The following AMN1 variants were observed in gnomAD, a reference collection of about 807,000 sequenced individuals.
AMN1 encodes protein AMN1 homolog.
A neutral mutation model predicts 33.0 loss-of-function variants in AMN1; 20 were observed. That is an observed-to-expected ratio of 0.61 (90% CI 0.43 to 0.88). The LOEUF is 0.88. Ranked by LOEUF, AMN1 falls within the 40% of genes least tolerant of loss-of-function variation. The pLI is 0.00. For missense variants in AMN1, 246 were observed against 307.4 expected, an observed-to-expected ratio of 0.80 and a Z score of 1.49; for synonymous variants, 114 against 111.9, an observed-to-expected ratio of 1.02 and a Z score of -0.12.
intron 1 of AMN1, among the ~76,000 whole-genome samples, chr12:31,726,081 C>T (rs1399181109): frequency 6.6e-6 from 1 of 152,200 alleles, no homozygotes; most frequent in Non-Finnish European, 1.5e-5. Flanking sequence ...GATTCATTTT[C>T]CCCGTAAGAC....
intron 6 of AMN1, among the ~76,000 whole-genome samples, chr12:31,677,885 T>C (rs949581944): frequency 5.3e-5 from 8 of 152,172 alleles, no homozygotes; most frequent in African/African-American, 1.9e-4. Context: ...GAGCTGGCCA[T>C]AAAGAAATTC....
chr12:31,705,002 C>T (rs769881260), intron 2 of AMN1, among the ~76,000 whole-genome samples: 1 of 152,196 alleles, frequency 6.6e-6, no homozygotes, highest in East Asian at 1.9e-4. Context: ...TTCAACAGAA[C>T]CATCAACAAT....
intron 6 of AMN1, chr12:31,672,939 A>G (rs1294706323): frequency 1.3e-5 from 2 of 152,638 alleles, no homozygotes; most frequent in Non-Finnish European, 1.5e-5. Flanking sequence ...ACTATAAAGC[A>G]TGATTTTAAA....
intron 1 of AMN1, among the ~76,000 whole-genome samples, chr12:31,726,859 C>T (rs933191943): frequency 5.9e-5 from 9 of 152,148 alleles, no homozygotes; most frequent in African/African-American, 2.2e-4. Flanking sequence ...TGTCTTAGCC[C>T]CAAGTTCTGA....
chr12:31,722,330 T>C (rs1939909064), intron 1 of AMN1, among the ~76,000 whole-genome samples: 1 of 152,222 alleles, frequency 6.6e-6, no homozygotes, highest in South Asian at 2.1e-4. Context: ...GATATGTCTT[T>C]TACTGCGCAG....
At chr12:31,720,240 C>G (rs564639483) in intron 1 of AMN1, among the ~76,000 whole-genome samples, 2 of 152,198 alleles carry the variant, frequency 1.3e-5, no homozygotes, top group Non-Finnish European at 2.9e-5. Flanking sequence ...AAACTTATCT[C>G]TATTAAGAAG....
intron 6 of AMN1, among the ~76,000 whole-genome samples, chr12:31,682,909 ACT>A (rs574042922): frequency 5.9e-5 from 9 of 151,444 alleles, no homozygotes; most frequent in African/African-American, 2.2e-4. Flanking sequence ...TACTTCCACT[ACT>A]TCTGGCAGCC....
chr12:31,723,062 G>A (rs1243401073), intron 1 of AMN1, among the ~76,000 whole-genome samples: 7 of 150,440 alleles, frequency 4.7e-5, no homozygotes, highest in African/African-American at 1.7e-4. Flanking sequence ...GGAGGCTGAG[G>A]CAGGAGAATC....
chr12:31,707,409 T>A (rs1939288314), intron 2 of AMN1, among the ~76,000 whole-genome samples: 1 of 152,244 alleles, frequency 6.6e-6, no homozygotes, highest in Admixed American at 6.5e-5. Flanking sequence ...AACACCATTT[T>A]GTTCCTGAAT....
Position 31,693,549 on chromosome 12 carries a change from CT to C in AMN1, c.591+3811del, listed in dbSNP as rs922316762. ...GCCAATGTTTGTATTTTTCTTTTTT[CT>C]TTTTTTTTTTAGATGGAGTTTTGCT... is the stretch of plus-strand genomic sequence containing the variant. On this transcript the variant is annotated intron_variant, in intron 5 of 6. Transcript: ENST00000281471. Among the ~76,000 whole-genome samples the C allele has an allele frequency of 1.1e-3, 154 of 139,382 alleles. 1 individual carries two copies. The highest frequency in any genetic ancestry group is 3.2e-3 in the South Asian group (14 of 4,360). The allele number at this position is 139,382 out of a possible 152,430, so 91.4% of individuals were successfully genotyped here.
At chr12:31,694,955 A>C (rs1938658735) in intron 5 of AMN1, among the ~76,000 whole-genome samples, 2 of 152,182 alleles carry the variant, frequency 1.3e-5, no homozygotes, top group South Asian at 2.1e-4. Context: ...AAAACAAAAC[A>C]AAACAATTTT....
chr12:31,678,736 G>C (rs907133676), intron 6 of AMN1, among the ~76,000 whole-genome samples: 1 of 152,068 alleles, frequency 6.6e-6, no homozygotes, highest in Non-Finnish European at 1.5e-5. Context: ...TTTTTCAAAT[G>C]TTCAAAGGAA....
At chr12:31,707,986 C>A (rs1939313301) in intron 2 of AMN1, among the ~76,000 whole-genome samples, 1 of 152,106 alleles carries the variant, frequency 6.6e-6, no homozygotes. Flanking sequence ...TGAGGATGTA[C>A]GTCACCTCTG....
At chr12:31,728,859 G>C in intron 1 of AMN1, 112 bp downstream of exon 1, 1 of 1,286,208 alleles carries the variant, frequency 7.8e-7, no homozygotes. Context: ...GGCCTCTTCA[G>C]AGGTCGGCGG....
At chr12:31,695,896 A>G (rs574206064) in intron 5 of AMN1, among the ~76,000 whole-genome samples, 33 of 152,264 alleles carry the variant, frequency 2.2e-4, no homozygotes, top group African/African-American at 7.7e-4. Context: ...AAGGATAAAT[A>G]TTTTGGCAAA....
intron 1 of AMN1, among the ~76,000 whole-genome samples, chr12:31,712,064 C>CCCTCCCTCCTTCCCTA (rs1939489790): frequency 6.9e-6 from 1 of 145,054 alleles, no homozygotes; most frequent in South Asian, 2.4e-4. Flanking sequence ...CTTCCTCCCT[C>CCCTCCCTCCTTCCCTA]CCTCCCTCCT....
intron 2 of AMN1, among the ~76,000 whole-genome samples, chr12:31,703,786 T>C (rs935968804): frequency 2.0e-5 from 3 of 152,212 alleles, no homozygotes; most frequent in Non-Finnish European, 1.5e-5. Context: ...ACTTATTAAA[T>C]GCATCCTACA....
chr12:31,713,008 C>G (rs1939527693), intron 1 of AMN1, among the ~76,000 whole-genome samples: 1 of 152,106 alleles, frequency 6.6e-6, no homozygotes, highest in Non-Finnish European at 1.5e-5. Context: ...GCAGATATCT[C>G]TTTTATATAT....
At chr12:31,692,749 G>A (rs565575339) in intron 5 of AMN1, among the ~76,000 whole-genome samples, 13 of 152,048 alleles carry the variant, frequency 8.5e-5, no homozygotes, top group Middle Eastern at 3.4e-3. Context: ...TACATTATAC[G>A]GACAGTCTGT....
Sources: allele counts gnomAD v4.1 joint callset (sites outside exome capture counted in the v4.1 genomes callset), GRCh38; gene constraint gnomAD v4.1.1; transcripts MANE v1.5; gene names NCBI Gene and HGNC (gene_info 2026-07-23, HGNC 2026-07-21).